DHPS: variants seen among roughly 807,000 people sequenced by gnomAD.
DHPS encodes the protein deoxyhypusine synthase.
A neutral mutation model predicts 38.7 loss-of-function variants in DHPS; 24 were observed. The ratio of observed to expected loss-of-function variants is 0.62; its 90% CI spans 0.45 to 0.87. DHPS has a LOEUF of 0.87. Ranked by LOEUF, DHPS falls within the 40% of genes least tolerant of loss-of-function variation. DHPS has a pLI of 0.00. For missense variants in DHPS, 510 were observed against 497.6 expected (o/e 1.02, Z -0.24); for synonymous variants, 250 against 204.4 (o/e 1.22, Z -1.90).
At chr19:12,673,181 C>T, downstream of DHPS, 2 of 1,613,860 alleles carry the variant, frequency 1.2e-6, no homozygotes, top group Non-Finnish European at 1.7e-6. Context: ...GACCAAGCCC[C>T]CCGATCCTGT....
chr19:12,678,249 A>C (rs986775798), intron 5 of DHPS, among the ~76,000 whole-genome samples: 2 of 145,804 alleles, frequency 1.4e-5, no homozygotes, highest in African/African-American at 2.6e-5. Flanking sequence ...CAAGAGCAAA[A>C]CTCCGTCTCA....
chr19:12,673,572 C>G, downstream of DHPS, among the ~76,000 whole-genome samples: 1 of 152,062 alleles, frequency 6.6e-6, no homozygotes. Context: ...TGCGTGCCAC[C>G]ACACCCAGCT....
At chr19:12,676,587 G>A (rs904653179) in intron 7 of DHPS, 5 of 215,530 alleles carry the variant, frequency 2.3e-5, no homozygotes, top group East Asian at 1.2e-4. Flanking sequence ...CCAAAGCCCC[G>A]CCTCAGCCCA....
At chr19:12,677,065 A>G (rs1301895383) in intron 7 of DHPS, 43 bp downstream of exon 7, 2 of 1,572,314 alleles carry the variant, frequency 1.3e-6, no homozygotes, top group Non-Finnish European at 1.7e-6. Flanking sequence ...GGCCCACCAC[A>G]CAGCATGTCT....
intron 5 of DHPS, 73 bp from the exon 6 acceptor site, chr19:12,677,469 C>T: frequency 7.7e-7 from 1 of 1,304,356 alleles, no homozygotes; most frequent in Non-Finnish European, 1.1e-6. Context: ...GACTATCTGA[C>T]TGTGGATGGG....
At chr19:12,673,173 C>G, downstream of DHPS, 1 of 1,612,814 alleles carries the variant, frequency 6.2e-7, no homozygotes, top group East Asian at 2.2e-5. Context: ...CTGGAGAGGA[C>G]CAAGCCCCCC....
chr19:12,679,884 T>C lies in DHPS; in HGVS notation c.411A>G (p.Glu137=), dbSNP rs1411981834. Residue 137 remains glutamate, a synonymous_variant, in exon 3 of 9, where the codon GAA becomes GAG. Coordinates refer to ENST00000210060, the MANE Select transcript of DHPS (RefSeq NM_001930.4). ...TGGGCGCCAGGCACTTGATGAGGTC[T>C]TCCTCCACGCCGCCAGCTGTGGTCA... ...VLVTTAGGVE[E]DLIKCLAPTY... 6.2e-7 allele frequency: 1 copy of C among 1,614,102 alleles called. No individual in the cohort carries two copies. The highest frequency in any genetic ancestry group is 1.1e-5 in the South Asian group (1 of 91,076).
intron 7 of DHPS, 140 bp downstream of exon 7, chr19:12,676,968 T>A: frequency 2.7e-6 from 2 of 729,712 alleles, no homozygotes; most frequent in Non-Finnish European, 4.7e-6. Context: ...TGTCACTTGT[T>A]TGCTATCTCC....
Position 12,680,287 on chromosome 19 carries a change from G to T in DHPS, c.246C>A (p.Asp82Glu). 2.5e-6 allele frequency: 4 copies of T among 1,614,148 alleles called. No homozygotes were observed. Among genetic ancestry groups the T allele is most frequent in the Non-Finnish European group, 3.4e-6 (4 of 1,180,034 alleles). Residue 82 changes from aspartate (D) to glutamate (E), a missense_variant, in exon 2 of 9, where the codon GAC becomes GAA. Transcript: ENST00000210060. The part of the protein sequence containing the change: ...KKLEPLSQDE[D>E]QHADLTQSRR... ...GGCTCTGGGTCAGGTCCGCGTGCTG[G>T]TCTTCATCCTGTGACAGTGGTTCCA... is the stretch of plus-strand genomic sequence containing the variant.
downstream of DHPS, chr19:12,675,381 G>A (rs1226125276): frequency 8.6e-7 from 1 of 1,167,380 alleles, no homozygotes; most frequent in Non-Finnish European, 1.2e-6. Context: ...GTGTCTAGGA[G>A]GCAATTAGAG....
intron 1 of DHPS, 93 bp downstream of exon 1, chr19:12,681,467 C>A (rs2024810023): frequency 7.1e-7 from 1 of 1,405,800 alleles, no homozygotes; most frequent in African/African-American, 1.4e-5. Context: ...AAAGACATAT[C>A]CCCTCCACTG....
downstream of DHPS, chr19:12,672,901 A>G: frequency 6.3e-7 from 1 of 1,598,626 alleles, no homozygotes; most frequent in Non-Finnish European, 8.5e-7. Context: ...AGCTCTTCTC[A>G]GACTACGTGG....
chr19:12,681,510 TCTA>T (rs1568320781), intron 1 of DHPS, 47 bp downstream of exon 1: 1 of 1,604,458 alleles, frequency 6.2e-7, no homozygotes, highest in Non-Finnish European at 8.5e-7. Flanking sequence ...CCGCGTTGGT[TCTA>T]CAAGCCACGC....
rs10414020 is a variant in DHPS, at chr19:12,681,448, A to G, written c.207+112T>C. ...CCCGCCTTCCTCCAACTATTGGGCA[A>G]CTCAAATAAAAGACATATCCCCTCC... On this transcript the variant is annotated intron_variant, in intron 1 of 8. Transcript: ENST00000210060. 7.4e-3 allele frequency: 9,559 copies of G among 1,291,292 alleles called. 553 individuals are homozygous for G. The African/African-American group carries it at 0.12, about 17-fold the overall frequency. 80.0% of individuals were successfully genotyped at this position (1,291,292 alleles called of 1,614,324 possible).
At position 12,679,893 on chromosome 19, in the gene DHPS, G is replaced by A. The variant is rs762913819; in HGVS notation, c.402C>T (p.Gly134=). The A allele has an allele frequency of 1.4e-5, 23 of 1,613,764 alleles. No individual in the cohort carries two copies. Among genetic ancestry groups the A allele is most frequent in the Admixed American group, 1.0e-4 (6 of 59,934 alleles). Residue 134 remains glycine (G), a synonymous_variant, in exon 3 of 9, where the codon GGC becomes GGT. Coordinates refer to ENST00000210060, the MANE Select transcript of DHPS (RefSeq NM_001930.4). ...MVDVLVTTAG[G]VEEDLIKCLA... is the part of the protein sequence containing the mutation. The stretch of plus-strand genomic sequence containing the variant: ...GGCACTTGATGAGGTCTTCCTCCAC[G>A]CCGCCAGCTGTGGTCACCAATACGT...
At chr19:12,673,442 A>T (rs1198812952), downstream of DHPS, 2 of 643,536 alleles carry the variant, frequency 3.1e-6, no homozygotes, top group African/African-American at 4.3e-5. Context: ...TTTTTGAGAC[A>T]AGTCTTGCTC....
At chr19:12,673,205 C>A, downstream of DHPS, 1 of 1,614,016 alleles carries the variant, frequency 6.2e-7, no homozygotes, top group Non-Finnish European at 8.5e-7. Context: ...CCCTTAGGTA[C>A]AAGGGCCATA....
At chr19:12,675,383 C>T (rs2024544071), downstream of DHPS, 2 of 1,192,344 alleles carry the variant, frequency 1.7e-6, no homozygotes, top group Admixed American at 2.6e-5. Flanking sequence ...GTCTAGGAGG[C>T]AATTAGAGGC....
intron 7 of DHPS, 68 bp from the exon 8 acceptor site, chr19:12,676,210 A>G: frequency 3.3e-6 from 5 of 1,512,936 alleles, no homozygotes; most frequent in Non-Finnish European, 4.4e-6. Flanking sequence ...GAGGGAGGAC[A>G]CCGTAGCCAA....
Sources: gnomAD v4.1 joint callset for allele counts (sites outside exome capture counted in the v4.1 genomes callset) on GRCh38, gnomAD v4.1.1 for gene constraint, MANE v1.5 for transcripts, NCBI Gene and HGNC (gene_info 2026-07-23, HGNC 2026-07-21) for gene names.